Variants in SPEM2 observed in about 807,000 individuals in gnomAD.
The protein encoded by SPEM2 is SPEM family member 2.
Under a neutral mutation model 9.3 loss-of-function variants are expected in SPEM2, and 15 were observed. That is an observed-to-expected ratio of 1.62 (90% confidence interval 1.08 to 2.50). The LOEUF is 2.50. Among genes scored for constraint, SPEM2 ranks in the 30% most tolerant of loss-of-function variants. The probability of loss-of-function intolerance (pLI) is 0.00; values close to 1 mark genes in which losing one functional copy is unlikely to be tolerated. For synonymous variants in SPEM2, 268 were observed against 272.4 expected (o/e 0.98, Z 0.16); for missense variants, 678 against 690.0 (o/e 0.98, Z 0.19).
chr17:7,427,325 T>G lies in SPEM2; in HGVS notation c.1334T>G (p.Phe445Cys). Reference protein sequence around the residue: ...AADPAPPPTMFVPLSRNPGGN... With the variant: ...AADPAPPPTMCVPLSRNPGGN... The stretch of plus-strand genomic sequence containing the variant: ...GACCCTGCCCCTCCCCCGACCATGT[T>G]TGTCCCACTCAGCCGGAATCCAGGG... Residue 445 changes from phenylalanine (F) to cysteine (C), a missense_variant, in exon 3 of 3, where the codon TTT becomes TGT. Physicochemically the swap from Phe to Cys is radical, Grantham distance 205 (BLOSUM62 -2). Coordinates refer to ENST00000333870, the MANE Select transcript of SPEM2 (RefSeq NM_175734.5). This position sits in a 1 kb window ranked among gnomAD's most constrained non-coding sequence, Gnocchi z 5.4. 6.2e-7 allele frequency: 1 copy of G among 1,614,030 alleles called. No individual in the cohort carries two copies. The highest frequency in any genetic ancestry group is 8.5e-7 in the Non-Finnish European group (1 of 1,179,974).
Position 7,426,334 on chromosome 17 carries a change from C to T in SPEM2, c.343C>T (p.His115Tyr). 6.2e-7 allele frequency: 1 copy of T among 1,614,190 alleles called. No individual in the cohort carries two copies. Among genetic ancestry groups the T allele is most frequent in the Admixed American group, 1.7e-5 (1 of 60,032 alleles). ...SSFSCHHFSN[H>Y]HSSSLLRCVR... is the part of the protein sequence containing the mutation. ...TTTCTCCTGCCACCATTTCTCCAACCATCACAGTAGCAGTCTTCTTCGCTG... is the reference window on the plus strand; with the variant it reads ...TTTCTCCTGCCACCATTTCTCCAACTATCACAGTAGCAGTCTTCTTCGCTG... The change falls in exon 3 of 3, where the codon CAT becomes TAT. Residue 115 changes from histidine to tyrosine, a missense_variant. Transcript: ENST00000333870. This position sits in a 1 kb window ranked among gnomAD's most constrained non-coding sequence, Gnocchi z 5.3.
rs577150710 is a variant in SPEM2 at position 7,427,133 on chromosome 17, T to A, written c.1142T>A (p.Val381Glu). 1.8e-5 allele frequency: 29 copies of A among 1,611,320 alleles called. No individual in the cohort carries two copies. The highest frequency in any genetic ancestry group is 2.7e-5 in the African/African-American group (2 of 74,836). ...TACAGCTCCCAGGACCCCCGTGAGGTGCGGCGTCGGGCAGCTGACTGGGCT... is the reference window on the plus strand; with the variant it reads ...TACAGCTCCCAGGACCCCCGTGAGGAGCGGCGTCGGGCAGCTGACTGGGCT... The part of the protein sequence containing the change: ...LGYSSQDPRE[V>E]RRRAADWAEA... The change falls in exon 3 of 3, where the codon GTG becomes GAG. Residue 381 changes from valine to glutamate, a missense_variant. Physicochemically the swap from Val to Glu is moderately radical, Grantham distance 121. Transcript: ENST00000333870. The surrounding 1 kb of genome is among the most constrained non-coding windows in gnomAD (Gnocchi z 5.4).
Position 7,427,343 on chromosome 17 carries a change from A to C in SPEM2, c.1352A>C (p.Asn451Thr). The change falls in exon 3 of 3, where the codon AAT becomes ACT. Residue 451 changes from asparagine (N) to threonine (T), a missense_variant. Transcript: ENST00000333870. The surrounding 1 kb of genome is among the most constrained non-coding windows in gnomAD (Gnocchi z 5.4). ...ACCATGTTTGTCCCACTCAGCCGGA[A>C]TCCAGGGGGCAATGCCAACTACCAG... is the stretch of plus-strand genomic sequence containing the variant. ...PPTMFVPLSR[N>T]PGGNANYQVY... 2 of 1,614,092 alleles carry C rather than the reference A, an allele frequency of 1.2e-6. No homozygotes were observed. The highest frequency in any genetic ancestry group is 8.5e-7 in the Non-Finnish European group (1 of 1,180,004).
At position 7,427,260 on chromosome 17, in the gene SPEM2, C is replaced by G; in HGVS notation, c.1269C>G (p.Val423=). The G allele has an allele frequency of 6.2e-7, 1 of 1,614,180 alleles. No homozygotes were observed. The highest frequency in any genetic ancestry group is 8.5e-7 in the Non-Finnish European group (1 of 1,180,028). ...QRTPAPSSVL[V]PHSSQPWPKV... ...CCCCAGCTCCAAGCTCAGTGCTGGT[C>G]CCCCATTCCTCCCAGCCCTGGCCCA... is the stretch of plus-strand genomic sequence containing the variant. The change falls in exon 3 of 3, where the codon GTC becomes GTG. Residue 423 remains valine (V), a synonymous_variant. Coordinates refer to ENST00000333870, the MANE Select transcript of SPEM2 (RefSeq NM_175734.5). This position sits in a 1 kb window ranked among gnomAD's most constrained non-coding sequence, Gnocchi z 5.4.
rs752140650 is a variant in SPEM2, at chr17:7,427,228, C to T, written c.1237C>T (p.Gln413Ter). The T allele has an allele frequency of 6.2e-7, 1 of 1,614,190 alleles. No homozygotes were observed. The highest frequency in any genetic ancestry group is 1.1e-5 in the South Asian group (1 of 91,088). Reference sequence around the variant, plus strand: ...CACGGTGTTGGACGAGGCCTCCCATCAACGGACCCCAGCTCCAAGCTCAGT... The same window carrying T: ...CACGGTGTTGGACGAGGCCTCCCATTAACGGACCCCAGCTCCAAGCTCAGT... ...SLTVLDEASH[Q>*]RTPAPSSVLV... Residue 413 changes from glutamine to a stop codon, truncating the protein, a stop_gained, in exon 3 of 3, where the codon CAA becomes TAA. Transcript: ENST00000333870. LOFTEE classifies it low-confidence loss of function (END_TRUNC). The surrounding 1 kb of genome is among the most constrained non-coding windows in gnomAD (Gnocchi z 5.4).
chr17:7,425,642 TG>T lies in SPEM2; in HGVS notation c.-41del, dbSNP rs755867728. 4 of 1,211,708 alleles carry T rather than the reference TG, an allele frequency of 3.3e-6. No individual in the cohort carries two copies. The highest frequency in any genetic ancestry group is 4.4e-6 in the Non-Finnish European group (4 of 912,710). 75.1% of individuals were successfully genotyped at this position (1,211,708 alleles called of 1,614,324 possible). A position where few individuals can be genotyped will look rare whatever the true frequency, so the allele number is the denominator to read the frequency against. ...GTGCAGTGTGGGTTGGGGCCGGGGGTGGGGGGCAGAGGGGGGTGGCCCAGGT... is the reference window on the plus strand; with the variant it reads ...GTGCAGTGTGGGTTGGGGCCGGGGGTGGGGGCAGAGGGGGGTGGCCCAGGT... On this transcript the variant is annotated 5_prime_UTR_variant, in exon 1 of 3. Transcript: ENST00000333870.
In SPEM2 at chr17:7,426,117, A is replaced by C; in HGVS notation, c.196+67A>C. On this transcript the variant is annotated intron_variant, in intron 2 of 2. Transcript: ENST00000333870. This position sits in a 1 kb window ranked among gnomAD's most constrained non-coding sequence, Gnocchi z 5.3. The stretch of plus-strand genomic sequence containing the variant: ...CCCCTGACAATGGCCCTAGAAACCC[A>C]GGCCCCAGTGTTCCCAACCTTGAGC... 2.5e-6 allele frequency: 4 copies of C among 1,613,350 alleles called. No homozygotes were observed. The highest frequency in any genetic ancestry group is 3.4e-6 in the Non-Finnish European group (4 of 1,179,344).
In SPEM2 at chr17:7,427,361, A is replaced by G; in HGVS notation, c.1370A>G (p.Asn457Ser). ...AGCCGGAATCCAGGGGGCAATGCCA[A>G]CTACCAGGTGTACGACAGCCTGGAG... ...PLSRNPGGNA[N>S]YQVYDSLELK... The change falls in exon 3 of 3, where the codon AAC becomes AGC. Residue 457 changes from asparagine (N) to serine (S), a missense_variant. Asn to Ser is a conservative substitution (Grantham distance 46, BLOSUM62 1). Coordinates refer to ENST00000333870, the MANE Select transcript of SPEM2 (RefSeq NM_175734.5). This position sits in a 1 kb window ranked among gnomAD's most constrained non-coding sequence, Gnocchi z 5.4. 2 of 1,614,052 alleles carry G rather than the reference A, an allele frequency of 1.2e-6. No individual in the cohort carries two copies. Among genetic ancestry groups the G allele is most frequent in the Middle Eastern group, 1.6e-4 (1 of 6,062 alleles).
Position 7,426,323 on chromosome 17 carries a change from A to G in SPEM2, c.332A>G (p.His111Arg). The change falls in exon 3 of 3, where the codon CAT becomes CGT. Residue 111 changes from histidine to arginine, a missense_variant. By Grantham distance (29) the His-to-Arg change is conservative. Transcript: ENST00000333870. This position sits in a 1 kb window ranked among gnomAD's most constrained non-coding sequence, Gnocchi z 5.3. ...PTQYSSFSCH[H>R]FSNHHSSSLL... Reference sequence around the variant, plus strand: ...CAGTACTCCTCTTTCTCCTGCCACCATTTCTCCAACCATCACAGTAGCAGT... The same window carrying G: ...CAGTACTCCTCTTTCTCCTGCCACCGTTTCTCCAACCATCACAGTAGCAGT... The G allele has an allele frequency of 6.2e-7, 1 of 1,614,030 alleles. No homozygotes were observed.
rs1907637394 is a variant in SPEM2, at chr17:7,426,887, C to T, written c.896C>T (p.Pro299Leu). 1.2e-6 allele frequency: 2 copies of T among 1,613,280 alleles called. No homozygotes were observed. Among genetic ancestry groups the T allele is most frequent in the Admixed American group, 3.3e-5 (2 of 60,000 alleles). ...TCTTGGGTCCCCGTGGGGCACAGCC[C>T]TTACCCCTCAGTGGGCTGGATGCTG... ...NPSWVPVGHS[P>L]YPSVGWMLYD... Residue 299 changes from proline to leucine, a missense_variant, in exon 3 of 3, where the codon CCT becomes CTT. Coordinates refer to ENST00000333870, the MANE Select transcript of SPEM2 (RefSeq NM_175734.5). This position sits in a 1 kb window ranked among gnomAD's most constrained non-coding sequence, Gnocchi z 5.3.
rs181105702 is a variant in SPEM2, at chr17:7,426,937, C to G, written c.946C>G (p.Arg316Gly). ...GTATGACTCCTGGGATCAGCGGCGTCGTGGCACGGAGGGCTTTGAGCGCCC... is the reference window on the plus strand; with the variant it reads ...GTATGACTCCTGGGATCAGCGGCGTGGTGGCACGGAGGGCTTTGAGCGCCC... ...MLYDSWDQRR[R>G]GTEGFERPPA... Residue 316 changes from arginine to glycine, a missense_variant, in exon 3 of 3, where the codon CGT (arginine) becomes GGT (glycine). Coordinates refer to ENST00000333870, the MANE Select transcript of SPEM2 (RefSeq NM_175734.5). This position sits in a 1 kb window ranked among gnomAD's most constrained non-coding sequence, Gnocchi z 5.3. The G allele has an allele frequency of 6.2e-7, 1 of 1,613,074 alleles. No homozygotes were observed. The highest frequency in any genetic ancestry group is 1.1e-5 in the South Asian group (1 of 91,078).
In SPEM2 at chr17:7,426,788, G is replaced by A. The variant is rs374413955; in HGVS notation, c.797G>A (p.Arg266Gln). 72 of 1,603,064 alleles carry A rather than the reference G, an allele frequency of 4.5e-5. No individual in the cohort carries two copies. The highest frequency in any genetic ancestry group is 5.5e-5 in the Non-Finnish European group (65 of 1,173,722). ...QSYGRHGSQS[R>Q]LWGNVEAEQW... ...TATGGGCGCCACGGTTCCCAATCCC[G>A]ACTGTGGGGCAATGTGGAGGCTGAG... The change falls in exon 3 of 3, where the codon CGA (arginine) becomes CAA (glutamine). Residue 266 changes from arginine (R) to glutamine (Q), a missense_variant. By Grantham distance (43) the Arg-to-Gln change is conservative. Transcript: ENST00000333870. The surrounding 1 kb of genome is among the most constrained non-coding windows in gnomAD (Gnocchi z 5.3).
At position 7,426,074 on chromosome 17, in the gene SPEM2, A is replaced by G. The variant is rs1353863572; in HGVS notation, c.196+24A>G. Reference sequence around the variant, plus strand: ...AAGTAAGTGTGGCTGCTGGAGAGGTAGGGGACCCCCATCCCCACCCCTGAC... The same window carrying G: ...AAGTAAGTGTGGCTGCTGGAGAGGTGGGGGACCCCCATCCCCACCCCTGAC... On this transcript the variant is annotated intron_variant, in intron 2 of 2. Coordinates refer to ENST00000333870, the MANE Select transcript of SPEM2 (RefSeq NM_175734.5). The surrounding 1 kb of genome is among the most constrained non-coding windows in gnomAD (Gnocchi z 5.3). 2.5e-6 allele frequency: 4 copies of G among 1,614,042 alleles called. No homozygotes were observed. Among genetic ancestry groups the G allele is most frequent in the African/African-American group, 1.3e-5 (1 of 75,036 alleles).
In SPEM2 at chr17:7,426,159, C is replaced by T. The variant is rs1907587574; in HGVS notation, c.197-29C>T. 6.2e-7 allele frequency: 1 copy of T among 1,613,434 alleles called. No homozygotes were observed. Among genetic ancestry groups the T allele is most frequent in the African/African-American group, 1.3e-5 (1 of 74,868 alleles). ...ACCTTGAGCTCTTCTGACAATTGCC[C>T]TGACTTCATGGACTCTTGCCTTCCC... On this transcript the variant is annotated intron_variant, in intron 2 of 2. Coordinates refer to ENST00000333870, the MANE Select transcript of SPEM2 (RefSeq NM_175734.5). The surrounding 1 kb of genome is among the most constrained non-coding windows in gnomAD (Gnocchi z 5.3).
intron 1 of SPEM2, 62 bp from the exon 2 acceptor site, chr17:7,425,931 G>A (rs550194923): frequency 2.5e-6 from 4 of 1,612,572 alleles, no homozygotes; most frequent in African/African-American, 2.7e-5. Flanking sequence ...TTGGGGCGGG[G>A]GCAGGGGTGG....
In SPEM2 at chr17:7,426,098, A is replaced by G. The variant is rs533796911; in HGVS notation, c.196+48A>G. ...TAGGGGACCCCCATCCCCACCCCTGACAATGGCCCTAGAAACCCAGGCCCC... is the reference window on the plus strand; with the variant it reads ...TAGGGGACCCCCATCCCCACCCCTGGCAATGGCCCTAGAAACCCAGGCCCC... On this transcript the variant is annotated intron_variant, in intron 2 of 2. Transcript: ENST00000333870. The surrounding 1 kb of genome is among the most constrained non-coding windows in gnomAD (Gnocchi z 5.3). 2 of 1,613,622 alleles carry G rather than the reference A, an allele frequency of 1.2e-6. No individual in the cohort carries two copies. Among genetic ancestry groups the G allele is most frequent in the African/African-American group, 2.7e-5 (2 of 74,998 alleles).
In SPEM2 at chr17:7,425,729, A is replaced by G. The variant is rs746815806; in HGVS notation, c.41A>G (p.Asn14Ser). ...QLWHNTVRCC[N>S]QYQESPHDAE... The stretch of plus-strand genomic sequence containing the variant: ...TGGCATAACACCGTGAGATGTTGCA[A>G]TCAATACCAAGAAAGCCCCCACGAT... The change falls in exon 1 of 3, where the codon AAT becomes AGT. Residue 14 changes from asparagine to serine, a missense_variant. By Grantham distance (46) the Asn-to-Ser change is conservative (BLOSUM62 1). Transcript: ENST00000333870. The G allele has an allele frequency of 6.6e-5, 107 of 1,614,040 alleles. No individual in the cohort carries two copies. The highest frequency in any genetic ancestry group is 9.0e-5 in the Non-Finnish European group (106 of 1,180,016).
rs1907611768 is a variant in SPEM2, at chr17:7,426,531, C to T, written c.540C>T (p.Asp180=). The T allele has an allele frequency of 6.2e-6, 10 of 1,614,126 alleles. No individual in the cohort carries two copies. Among genetic ancestry groups the T allele is most frequent in the Non-Finnish European group, 7.6e-6 (9 of 1,180,034 alleles). ...GAGTGCCTTTCTTTGATCAGGAGGA[C>T]CCGGATTCCTACCTGGAGGAGGAGG... is the stretch of plus-strand genomic sequence containing the variant. The part of the protein sequence containing the change: ...LHRVPFFDQE[D]PDSYLEEEDN... The change falls in exon 3 of 3, where the codon GAC becomes GAT. Residue 180 remains aspartate (D), a synonymous_variant. Coordinates refer to ENST00000333870, the MANE Select transcript of SPEM2 (RefSeq NM_175734.5). This position sits in a 1 kb window ranked among gnomAD's most constrained non-coding sequence, Gnocchi z 5.3.
Position 7,427,378 on chromosome 17 carries a change from A to G in SPEM2, c.1387A>G (p.Ser463Gly), listed in dbSNP as rs990195692. ...GGNANYQVYD[S>G]LELKRQVQKS... ...CAATGCCAACTACCAGGTGTACGAC[A>G]GCCTGGAGCTGAAGCGGCAGGTGCA... Residue 463 changes from serine to glycine, a missense_variant, in exon 3 of 3, where the codon AGC becomes GGC. Transcript: ENST00000333870. The surrounding 1 kb of genome is among the most constrained non-coding windows in gnomAD (Gnocchi z 5.4). 6.2e-7 allele frequency: 1 copy of G among 1,613,978 alleles called. No homozygotes were observed. The highest frequency in any genetic ancestry group is 8.5e-7 in the Non-Finnish European group (1 of 1,179,970).
Sources: gnomAD v4.1 joint callset for allele counts on GRCh38, gnomAD v4.1.1 for gene constraint, Gnocchi (gnomAD v3.1) non-coding constraint, MANE v1.5 for transcripts, NCBI Gene and HGNC (gene_info 2026-07-23, HGNC 2026-07-21) for gene names.